SORCS1: variants seen among roughly 807,000 people sequenced by gnomAD.
SORCS1 encodes the protein VPS10 domain-containing receptor SorCS1.
Under a neutral mutation model 146.1 loss-of-function variants are expected in SORCS1, and 60 were observed. That is an observed-to-expected ratio of 0.41 (90% CI 0.33 to 0.51). The LOEUF (loss-of-function observed/expected upper bound fraction) is 0.51. SORCS1 is among the 20% of genes least tolerant of loss of function. SORCS1 has a pLI of 0.21. For synonymous variants in SORCS1, 637 were observed against 584.0 expected (o/e 1.09, Z -1.31); for missense variants, 1,352 against 1,487.6 (o/e 0.91, Z 1.50).
At chr10:106,991,876 A>G (rs1956785477) in intron 1 of SORCS1, among the ~76,000 whole-genome samples, 1 of 152,248 alleles carries the variant, frequency 6.6e-6, no homozygotes, top group African/African-American at 2.4e-5. Context: ...ACAACTATGT[A>G]AACGTCTCAT....
intron 1 of SORCS1, among the ~76,000 whole-genome samples, chr10:107,002,896 T>C (rs959300707): frequency 7.9e-5 from 12 of 152,176 alleles, no homozygotes; most frequent in Admixed American, 6.5e-5. Context: ...GAGATTCCAT[T>C]AGGGGACTGA....
At chr10:106,824,554 A>G (rs1948204035) in intron 3 of SORCS1, among the ~76,000 whole-genome samples, 1 of 150,212 alleles carries the variant, frequency 6.7e-6, no homozygotes. Context: ...GTGCCACTGC[A>G]CTCCAGCCTG....
At chr10:106,760,440 C>G (rs1859002206) in intron 5 of SORCS1, among the ~76,000 whole-genome samples, 1 of 72,612 alleles carries the variant, frequency 1.4e-5, no homozygotes, top group African/African-American at 4.8e-5. Flanking sequence ...GAGACTCCGT[C>G]TCAAAAAAAA....
chr10:106,830,739 T>C (rs1464521556), intron 2 of SORCS1, among the ~76,000 whole-genome samples: 1 of 151,722 alleles, frequency 6.6e-6, no homozygotes, highest in Non-Finnish European at 1.5e-5. Flanking sequence ...CTATCAAAAA[T>C]GCAAAAATTA....
intron 1 of SORCS1, among the ~76,000 whole-genome samples, chr10:107,143,497 CTTCTT>C (rs1204504542): frequency 6.6e-6 from 1 of 151,646 alleles, no homozygotes; most frequent in Admixed American, 6.6e-5. Flanking sequence ...CCAGCTAATT[CTTCTT>C]TTCTTTTCTT....
chr10:106,776,202 T>C (rs1472381487), intron 4 of SORCS1, among the ~76,000 whole-genome samples: 1 of 152,196 alleles, frequency 6.6e-6, no homozygotes, highest in Non-Finnish European at 1.5e-5. Context: ...CCAAGAGAAA[T>C]GATCACCAAT....
At chr10:106,596,578 G>A (rs887932628) in intron 24 of SORCS1, among the ~76,000 whole-genome samples, 9 of 152,276 alleles carry the variant, frequency 5.9e-5, no homozygotes, top group African/African-American at 2.2e-4. Context: ...GAAGCTCAAT[G>A]ACATTAAGTA....
intron 2 of SORCS1, among the ~76,000 whole-genome samples, chr10:106,925,250 G>A (rs1436794332): frequency 6.6e-6 from 1 of 151,694 alleles, no homozygotes; most frequent in Non-Finnish European, 1.5e-5. Context: ...GCCTCTGCCA[G>A]AGGCCAGAGC....
At chr10:106,637,354 A>G (rs1455064713) in intron 18 of SORCS1, among the ~76,000 whole-genome samples, 2 of 152,180 alleles carry the variant, frequency 1.3e-5, no homozygotes, top group Non-Finnish European at 2.9e-5. Context: ...GTCTGGTTTG[A>G]ATCATGCTGT....
chr10:107,126,039 C>A (rs1966694050), intron 1 of SORCS1, among the ~76,000 whole-genome samples: 2 of 152,238 alleles, frequency 1.3e-5, no homozygotes, highest in East Asian at 1.9e-4. Flanking sequence ...TAATTAAATA[C>A]TTATTTAAGG....
chr10:107,007,290 T>C (rs912405369), intron 1 of SORCS1, among the ~76,000 whole-genome samples: 2 of 152,214 alleles, frequency 1.3e-5, no homozygotes, highest in Non-Finnish European at 2.9e-5. Flanking sequence ...TAGACCACAG[T>C]AGGAGTGACA....
intron 3 of SORCS1, among the ~76,000 whole-genome samples, chr10:106,783,191 T>C (rs1293489991): frequency 6.6e-6 from 1 of 152,224 alleles, no homozygotes; most frequent in African/African-American, 2.4e-5. Flanking sequence ...TATTGAGCTG[T>C]TGTGTATCAG....
intron 2 of SORCS1, among the ~76,000 whole-genome samples, chr10:106,916,786 G>A (rs1428551935): frequency 6.6e-6 from 1 of 151,950 alleles, no homozygotes; most frequent in East Asian, 1.9e-4. Context: ...GTCCCACTCT[G>A]TCGGCCAGGC....
intron 1 of SORCS1, among the ~76,000 whole-genome samples, chr10:107,068,165 AT>A (rs376133407): frequency 5.3e-4 from 80 of 152,272 alleles, no homozygotes; most frequent in Admixed American, 9.2e-4. Context: ...GTTTGGAGGA[AT>A]TCTTTCTAAT....
At chr10:106,732,120 C>T (rs3850681) in intron 5 of SORCS1, among the ~76,000 whole-genome samples, 65,711 of 151,682 alleles carry the variant, frequency 0.43, 14,242 homozygotes, top group African/African-American at 0.47. Flanking sequence ...GCCCTGTTAT[C>T]GCTGTCAATA....
At chr10:106,659,988 C>T (rs962253031) in intron 17 of SORCS1, among the ~76,000 whole-genome samples, 1 of 152,190 alleles carries the variant, frequency 6.6e-6, no homozygotes, top group African/African-American at 2.4e-5. Context: ...ACAGAGGCCC[C>T]TGCAGTGATG....
chr10:106,643,936 G>C (rs947864480), intron 18 of SORCS1, among the ~76,000 whole-genome samples: 5 of 152,294 alleles, frequency 3.3e-5, no homozygotes, highest in African/African-American at 1.2e-4. Flanking sequence ...TCTGAACTCT[G>C]CTATAGTATA....
intron 6 of SORCS1, among the ~76,000 whole-genome samples, chr10:106,726,531 A>G (rs1212120482): frequency 6.6e-6 from 1 of 152,024 alleles, no homozygotes; most frequent in African/African-American, 2.4e-5. Flanking sequence ...GATCACAGAG[A>G]GTGATGGCCT....
At chr10:106,885,806 C>T (rs146702812) in intron 2 of SORCS1, among the ~76,000 whole-genome samples, 350 of 152,246 alleles carry the variant, frequency 2.3e-3, no homozygotes, top group African/African-American at 7.7e-3. Flanking sequence ...ATACTGCTCT[C>T]ATGGTAGTGA....
Sources: gnomAD v4.1 joint callset for allele counts (sites outside exome capture counted in the v4.1 genomes callset) on GRCh38, gnomAD v4.1.1 for gene constraint, MANE v1.5 for transcripts, NCBI Gene and HGNC (gene_info 2026-07-23, HGNC 2026-07-21) for gene names.